Variants in JAZF1 observed in about 807,000 individuals in gnomAD.
The protein encoded by JAZF1 is JAZF zinc finger 1, also known as juxtaposed with another zinc finger protein 1.
A neutral mutation model predicts 26.4 loss-of-function variants in JAZF1; 8 were observed. The observed-to-expected ratio is 0.30, with a 90% CI of 0.18 to 0.55. JAZF1 has a LOEUF of 0.55. JAZF1 is among the 20% of genes least tolerant of loss of function. The pLI, the probability that JAZF1 is intolerant of heterozygous loss-of-function variation, is 0.94. For missense variants in JAZF1, 199 were observed against 322.0 expected (o/e 0.62, Z 2.92); for synonymous variants, 126 against 122.3 (o/e 1.03, Z -0.20).
chr7:28,035,230 C>T (rs1165154180), intron 1 of JAZF1, among the ~76,000 whole-genome samples: 4 of 141,238 alleles, frequency 2.8e-5, no homozygotes, highest in Admixed American at 1.5e-4. Flanking sequence ...GGCAGAATTG[C>T]TTGAACCCAG....
chr7:27,876,303 G>A (rs192445421), intron 3 of JAZF1, among the ~76,000 whole-genome samples: 1 of 152,038 alleles, frequency 6.6e-6, no homozygotes, highest in Non-Finnish European at 1.5e-5. Flanking sequence ...TCCTCTTTAG[G>A]TAATCTTGAT....
At chr7:28,131,292 A>G (rs1782789137) in intron 1 of JAZF1, among the ~76,000 whole-genome samples, 1 of 151,648 alleles carries the variant, frequency 6.6e-6, no homozygotes, top group Non-Finnish European at 1.5e-5. Context: ...ATGACCCTTA[A>G]AATGAGTGTT....
In JAZF1 at chr7:28,013,048, G is replaced by C. The variant is rs1782823888; in HGVS notation, c.116-21067C>G. 2.6e-5 allele frequency among the ~76,000 whole-genome samples: 4 copies of C among 152,126 alleles called. No individual in the cohort carries two copies. The South Asian group carries it at 8.3e-4, about 32-fold the overall frequency. The stretch of plus-strand genomic sequence containing the variant: ...TCCTGATGGGCATTCTCTCCCACTA[G>C]CTCCATGTTTCTCAGCCTGGGTAGG... On this transcript the variant is annotated intron_variant, in intron 1 of 4. Transcript: ENST00000283928.
intron 1 of JAZF1, among the ~76,000 whole-genome samples, chr7:28,090,875 G>T: frequency 7.0e-6 from 1 of 142,572 alleles, no homozygotes; most frequent in Admixed American, 7.3e-5. Flanking sequence ...GCCGGACTGC[G>T]GACTGCAGTG....
At chr7:27,975,991 G>T (rs1312836789) in intron 2 of JAZF1, among the ~76,000 whole-genome samples, 1 of 152,164 alleles carries the variant, frequency 6.6e-6, no homozygotes, top group African/African-American at 2.4e-5. Flanking sequence ...TTCTGTTGGA[G>T]CAAGCCAAAA....
chr7:28,121,036 C>T (rs1185212035), intron 1 of JAZF1, among the ~76,000 whole-genome samples: 3 of 151,960 alleles, frequency 2.0e-5, no homozygotes, highest in South Asian at 2.1e-4. Context: ...CCCATCTCCA[C>T]TAAAAATACA....
At chr7:28,162,603 A>C (rs886980635) in intron 1 of JAZF1, among the ~76,000 whole-genome samples, 5 of 152,260 alleles carry the variant, frequency 3.3e-5, no homozygotes, top group Non-Finnish European at 7.3e-5. Context: ...CTGACAGACA[A>C]GTAAAAGGAC....
chr7:28,028,665 T>C (rs1783132574), intron 1 of JAZF1, among the ~76,000 whole-genome samples: 1 of 152,204 alleles, frequency 6.6e-6, no homozygotes, highest in Admixed American at 6.5e-5. Context: ...TGGCATCTCA[T>C]TTGGAATGTC....
chr7:28,056,063 TC>T, intron 1 of JAZF1, among the ~76,000 whole-genome samples: 1 of 152,106 alleles, frequency 6.6e-6, no homozygotes, highest in African/African-American at 2.4e-5. Flanking sequence ...AGAGACAGTG[TC>T]TTACCCACCA....
At position 27,919,968 on chromosome 7, in the gene JAZF1, A is replaced by G. The variant is rs184109592; in HGVS notation, c.189-24552T>C. On this transcript the variant is annotated intron_variant, in intron 2 of 4. Coordinates refer to ENST00000283928, the MANE Select transcript of JAZF1 (RefSeq NM_175061.4). ...TGCTTGCACCTTGGAATCCTCCTTCATTGCTACCCTTAGAATCCAAGCTAA... is the reference window on the plus strand; with the variant it reads ...TGCTTGCACCTTGGAATCCTCCTTCGTTGCTACCCTTAGAATCCAAGCTAA... Among the ~76,000 whole-genome samples the G allele has an allele frequency of 3.0e-4, 46 of 152,232 alleles. No homozygotes were observed. The East Asian group carries it at 8.5e-3, about 28-fold the overall frequency.
intron 1 of JAZF1, among the ~76,000 whole-genome samples, chr7:28,106,618 G>T (rs982294888): frequency 2.0e-5 from 3 of 152,092 alleles, no homozygotes; most frequent in Non-Finnish European, 2.9e-5. Flanking sequence ...TTCACCATAT[G>T]GTCATTTCCC....
intron 2 of JAZF1, among the ~76,000 whole-genome samples, chr7:27,907,054 T>C (rs942812732): frequency 7.7e-6 from 1 of 130,048 alleles, no homozygotes; most frequent in African/African-American, 2.8e-5. Context: ...GAAGAGAAAG[T>C]TGCACTAAGG....
At chr7:28,089,051 C>T (rs1466910008) in intron 1 of JAZF1, among the ~76,000 whole-genome samples, 4 of 152,184 alleles carry the variant, frequency 2.6e-5, no homozygotes, top group Non-Finnish European at 5.9e-5. Flanking sequence ...TTTGGATACA[C>T]TTGGTCATCA....
chr7:28,090,310 A>G (rs957489545), intron 1 of JAZF1, among the ~76,000 whole-genome samples: 1 of 152,218 alleles, frequency 6.6e-6, no homozygotes, highest in Non-Finnish European at 1.5e-5. Context: ...TTCATCATGA[A>G]CAACAAATCT....
intron 3 of JAZF1, among the ~76,000 whole-genome samples, chr7:27,845,335 A>G (rs2128332457): frequency 6.6e-6 from 1 of 152,284 alleles, no homozygotes; most frequent in East Asian, 1.9e-4. Context: ...GGGGGGTCAG[A>G]ATGTTGCAAC....
chr7:27,935,308 T>C (rs1784749459), intron 2 of JAZF1, among the ~76,000 whole-genome samples: 1 of 152,240 alleles, frequency 6.6e-6, no homozygotes, highest in Non-Finnish European at 1.5e-5. Context: ...AATGCAACTG[T>C]ACCTCGAGTG....
At chr7:28,024,564 A>G (rs1420131399) in intron 1 of JAZF1, among the ~76,000 whole-genome samples, 1 of 152,212 alleles carries the variant, frequency 6.6e-6, no homozygotes, top group Non-Finnish European at 1.5e-5. Context: ...GGAAACAGGT[A>G]TGAGAACACT....
In JAZF1 at chr7:28,180,629, C is replaced by G. The variant is rs1363006806; in HGVS notation, c.-52G>C. 4 of 929,318 alleles carry G rather than the reference C, an allele frequency of 4.3e-6. No homozygotes were observed. The highest frequency in any genetic ancestry group is 5.9e-6 in the Non-Finnish European group (4 of 681,816). The allele number at this position is 929,318 out of a possible 1,614,324, so 57.6% of individuals were successfully genotyped here. A position where few individuals can be genotyped will look rare whatever the true frequency, so the allele number is the denominator to read the frequency against. ...GTCGGCTCTGCGAGCGCCGGGCGGG[C>G]GAGGGAGGGAGGGAGGCCGGGTGGG... On this transcript the variant is annotated 5_prime_UTR_variant, in exon 1 of 5. Transcript: ENST00000283928.
At chr7:28,110,508 GGAAAGGAAAAGGA>G (rs1784633422) in intron 1 of JAZF1, among the ~76,000 whole-genome samples, 4 of 87,920 alleles carry the variant, frequency 4.5e-5, no homozygotes, top group Admixed American at 1.3e-4. Context: ...GAAAGGAAAA[GGAAAGGAAAAGGA>G]AAAGGAAAAG....
Sources: allele counts gnomAD v4.1 joint callset (sites outside exome capture counted in the v4.1 genomes callset), GRCh38; gene constraint gnomAD v4.1.1; transcripts MANE v1.5; gene names NCBI Gene and HGNC (gene_info 2026-07-23, HGNC 2026-07-21).